The following MYO9B variants were observed in gnomAD, a reference collection of about 807,000 sequenced individuals.
MYO9B encodes myosin IXB.
A neutral mutation model predicts 229.5 loss-of-function variants in MYO9B; 71 were observed. The observed-to-expected ratio is 0.31, with a 90% CI of 0.26 to 0.38. MYO9B has a LOEUF of 0.38. Ranked by LOEUF, MYO9B falls within the 10% of genes least tolerant of loss-of-function variation. The pLI is 1.00. For missense variants in MYO9B, 2,255 were observed against 2,920.5 expected, an observed-to-expected ratio of 0.77 and a Z score of 5.25; for synonymous variants, 1,185 against 1,235.8, an observed-to-expected ratio of 0.96 and a Z score of 0.86.
intron 2 of MYO9B, among the ~76,000 whole-genome samples, chr19:17,144,925 G>A (rs1192683400): frequency 4.1e-5 from 6 of 147,862 alleles, no homozygotes; most frequent in South Asian, 2.1e-4. Context: ...AGCTGAGATT[G>A]CGCCCCTGCA....
At chr19:17,177,637 C>G (rs1307654685) in intron 14 of MYO9B, 1 of 152,196 alleles carries the variant, frequency 6.6e-6, no homozygotes, top group Non-Finnish European at 1.5e-5. Context: ...GCCACCACAC[C>G]CAGTCCTCTT....
At chr19:17,084,691 TTG>T (rs2057565660) in intron 1 of MYO9B, among the ~76,000 whole-genome samples, 1 of 149,966 alleles carries the variant, frequency 6.7e-6, no homozygotes, top group African/African-American at 2.5e-5. Context: ...TGGTGAAATC[TTG>T]TGTCTACTAA....
At chr19:17,104,814 C>T (rs2057778017) in intron 2 of MYO9B, among the ~76,000 whole-genome samples, 1 of 152,018 alleles carries the variant, frequency 6.6e-6, no homozygotes, top group African/African-American at 2.4e-5. Flanking sequence ...GCAGAGAGTT[C>T]CCATGTACCC....
chr19:17,110,190 C>G (rs569709934), intron 2 of MYO9B, among the ~76,000 whole-genome samples: 7 of 152,310 alleles, frequency 4.6e-5, no homozygotes, highest in Admixed American at 1.3e-4. Flanking sequence ...CCCCGCCCCC[C>G]GCGAGGGTTG....
At chr19:17,095,350 A>T (rs1327739154) in intron 1 of MYO9B, 3 of 152,382 alleles carry the variant, frequency 2.0e-5, no homozygotes, top group Non-Finnish European at 4.4e-5. Context: ...CCCCATGAGC[A>T]GTCACTCCCT....
intron 1 of MYO9B, among the ~76,000 whole-genome samples, chr19:17,097,580 T>C (rs2057705021): frequency 1.3e-5 from 2 of 152,196 alleles, no homozygotes; most frequent in African/African-American, 2.4e-5. Flanking sequence ...CTTACTAACC[T>C]GGGGGAAAGT....
At chr19:17,112,460 G>A in intron 2 of MYO9B, among the ~76,000 whole-genome samples, 1 of 152,224 alleles carries the variant, frequency 6.6e-6, no homozygotes, top group South Asian at 2.1e-4. Flanking sequence ...CGGCTGGCGG[G>A]GGCCCTGGAC....
chr19:17,149,819 A>C (rs981705307), intron 3 of MYO9B, among the ~76,000 whole-genome samples: 39 of 152,152 alleles, frequency 2.6e-4, no homozygotes, highest in Admixed American at 1.1e-3. Context: ...CCAGGCCTTG[A>C]AAATGATTGG....
intron 1 of MYO9B, among the ~76,000 whole-genome samples, chr19:17,098,611 C>A (rs1056433182): frequency 6.6e-6 from 1 of 152,106 alleles, no homozygotes; most frequent in Admixed American, 6.5e-5. Context: ...TTTCTTGCAA[C>A]CTTCAGAAGC....
chr19:17,171,211 C>T (rs982473924), intron 11 of MYO9B, among the ~76,000 whole-genome samples: 8 of 152,160 alleles, frequency 5.3e-5, no homozygotes, highest in African/African-American at 1.7e-4. Flanking sequence ...GCATGCGTTC[C>T]GCTGCCTGTA....
Position 17,201,974 on chromosome 19 carries a change from G to T in MYO9B, c.4612G>T (p.Glu1538Ter). ...QKTPIESLFI[E>*]ATEKFRSNIK... ...GACGCCCATTGAGAGCTTGTTTATCGAAGCCACCGAGAAGTTCAGGAGCAA... is the reference window on the plus strand; with the variant it reads ...GACGCCCATTGAGAGCTTGTTTATCTAAGCCACCGAGAAGTTCAGGAGCAA... Residue 1538 changes from glutamate to a stop codon, truncating the protein, a stop_gained, in exon 27 of 40, where the codon GAA becomes TAA. Transcript: ENST00000682292. LOFTEE classifies it high-confidence loss of function. 6.2e-7 allele frequency: 1 copy of T among 1,612,540 alleles called. No individual in the cohort carries two copies. The highest frequency in any genetic ancestry group is 8.5e-7 in the Non-Finnish European group (1 of 1,179,550).
At chr19:17,106,562 CA>C (rs750091461) in intron 2 of MYO9B, among the ~76,000 whole-genome samples, 15 of 152,212 alleles carry the variant, frequency 9.9e-5, no homozygotes, top group Non-Finnish European at 1.6e-4. Context: ...AGCAGGTGGC[CA>C]GGGGGCTCAA....
chr19:17,190,091 A>G (rs2072965438), intron 19 of MYO9B, among the ~76,000 whole-genome samples: 1 of 149,740 alleles, frequency 6.7e-6, no homozygotes, highest in Non-Finnish European at 1.5e-5. Flanking sequence ...AAGATTACAG[A>G]CTGTTGACCT....
rs532230652 is a variant in MYO9B, at chr19:17,183,689, T to A, written c.2334-140T>A. On this transcript the variant is annotated intron_variant, in intron 15 of 39. Transcript: ENST00000682292. ...GCAGCGTGGAGAGGTGGCGGTGGCC[T>A]TGTTGCACTTGCGCCTTCTCACTCT... 1.8e-4 allele frequency: 119 copies of A among 663,072 alleles called. No individual in the cohort carries two copies. The African/African-American group carries it at 2.0e-3, about 11-fold the overall frequency. 41.1% of individuals were successfully genotyped at this position (663,072 alleles called of 1,614,324 possible).
intron 19 of MYO9B, 85 bp downstream of exon 19, chr19:17,188,130 T>G: frequency 7.8e-7 from 1 of 1,288,668 alleles, no homozygotes; most frequent in East Asian, 2.6e-5. Flanking sequence ...CTTGCTGGAG[T>G]GTAAACTCAG....
chr19:17,136,288 G>A (rs7254833), intron 2 of MYO9B, among the ~76,000 whole-genome samples: 119 of 152,226 alleles, frequency 7.8e-4, no homozygotes, highest in African/African-American at 2.7e-3. Context: ...CCAGACTATG[G>A]CCCTGCAGGG....
intron 20 of MYO9B, 79 bp from the exon 21 acceptor site, chr19:17,192,667 T>G: frequency 8.1e-7 from 1 of 1,236,674 alleles, no homozygotes; most frequent in Non-Finnish European, 1.1e-6. Flanking sequence ...CACTCTGGAG[T>G]GGGCTATGCA....
chr19:17,121,463 A>ATATATATATATATATCTC (rs1030275525), intron 2 of MYO9B, among the ~76,000 whole-genome samples: 2 of 149,904 alleles, frequency 1.3e-5, no homozygotes, highest in African/African-American at 5.0e-5. Flanking sequence ...ATATATATAT[A>ATATATATATATATATCTC]TCCAAGAGCT....
Position 17,172,863 on chromosome 19 carries a change from G to C in MYO9B, c.2040G>C (p.Val680=). 1.2e-6 allele frequency: 2 copies of C among 1,608,558 alleles called. No homozygotes were observed. The highest frequency in any genetic ancestry group is 1.7e-6 in the Non-Finnish European group (2 of 1,179,772). The change falls in exon 13 of 40, where the codon GTG becomes GTC. Residue 680 remains valine, a synonymous_variant. Transcript: ENST00000682292. The surrounding 1 kb of genome is among the most constrained non-coding windows in gnomAD (Gnocchi z 8.2). ...GGGAGCTCATCGGCATGGACCCCGTGGCCGTGTTCCGCTGGGCCGTGCTCC... is the reference window on the plus strand; with the variant it reads ...GGGAGCTCATCGGCATGGACCCCGTCGCCGTGTTCCGCTGGGCCGTGCTCC... ...YVRELIGMDP[V]AVFRWAVLRA...
Sources: allele counts gnomAD v4.1 joint callset (sites outside exome capture counted in the v4.1 genomes callset), GRCh38; gene constraint gnomAD v4.1.1; non-coding constraint Gnocchi (gnomAD v3.1); transcripts MANE v1.5; gene names NCBI Gene and HGNC (gene_info 2026-07-23, HGNC 2026-07-21).